RDH13: variants seen among roughly 807,000 people sequenced by gnomAD.
The protein encoded by RDH13 is retinol dehydrogenase 13, also known as retinol dehydrogenase 13 (all-trans and 9-cis).
In RDH13, 35 loss-of-function variants were observed where a neutral mutation model predicts 28.3. That is an observed-to-expected ratio of 1.24 (90% CI 0.95 to 1.64). RDH13 has a LOEUF of 1.64. Ranked by LOEUF, RDH13 falls within the 40% of genes most tolerant of loss-of-function variation. The pLI is 0.00. For missense variants in RDH13, 514 were observed against 446.3 expected, an observed-to-expected ratio of 1.15 and a Z score of -1.37; for synonymous variants, 229 against 198.5, an observed-to-expected ratio of 1.15 and a Z score of -1.29.
rs183914732 is a variant in RDH13, at chr19:55,060,117, C to A, written c.66-842G>T. ...GACCTGACCGTCCCCCAGCCCAACA[C>A]CCGTAAAGGGTCTGTGCTGAGGTGG... On this transcript the variant is annotated intron_variant, in intron 1 of 6. Transcript: ENST00000415061. Among the ~76,000 whole-genome samples the A allele has an allele frequency of 8.6e-5, 13 of 150,550 alleles. No individual in the cohort carries two copies. In the East Asian group the frequency reaches 2.4e-3, roughly 28 times the overall value.
At position 55,045,249 on chromosome 19, in the gene RDH13, A is replaced by G. The variant is rs2075178971; in HGVS notation, c.821T>C (p.Leu274Pro). The G allele has an allele frequency of 1.2e-6, 2 of 1,613,234 alleles. No individual in the cohort carries two copies. The highest frequency in any genetic ancestry group is 1.7e-6 in the Non-Finnish European group (2 of 1,180,030). Reference sequence around the variant, plus strand: ...ATCCGCCAGTTCCTCCGCCACGGCCAGGTATGTGCTGGGCTGGGCGGCCAG... The same window carrying G: ...ATCCGCCAGTTCCTCCGCCACGGCCGGGTATGTGCTGGGCTGGGCGGCCAG... ...PELAAQPSTY[L>P]AVAEELADVS... The change falls in exon 7 of 7, where the codon CTG (leucine) becomes CCG (proline). Residue 274 changes from leucine (L) to proline (P), a missense_variant. Coordinates refer to ENST00000415061, the MANE Select transcript of RDH13 (RefSeq NM_001145971.2).
At chr19:55,055,021 T>C (rs959749830) in intron 3 of RDH13, among the ~76,000 whole-genome samples, 11 of 152,246 alleles carry the variant, frequency 7.2e-5, no homozygotes, top group Non-Finnish European at 1.5e-4. Flanking sequence ...TGAACAAGAA[T>C]AGAAAAGCTA....
chr19:55,048,130 AACAG>A (rs1032416435), intron 5 of RDH13, 195 bp downstream of exon 5: 69 of 1,532,098 alleles, frequency 4.5e-5, no homozygotes, highest in Non-Finnish European at 5.6e-5. Flanking sequence ...ACCTGGGATG[AACAG>A]ACAATCCTCA....
At chr19:55,064,419 A>AG (rs1187091667), upstream of RDH13, 1 of 131,414 alleles carries the variant, frequency 7.6e-6, no homozygotes, top group Non-Finnish European at 1.5e-5. Flanking sequence ...AATTCTGTCA[A>AG]AAAAAAAAAA....
chr19:55,051,729 GTTTTT>G (rs79209121), intron 3 of RDH13, among the ~76,000 whole-genome samples: 1 of 143,526 alleles, frequency 7.0e-6, no homozygotes, highest in Non-Finnish European at 1.5e-5. Context: ...CGCCCAGCCT[GTTTTT>G]TTTTTTTTCT....
At chr19:55,063,159 G>C (rs962017877), upstream of RDH13, 67 of 901,760 alleles carry the variant, frequency 7.4e-5, no homozygotes, top group Non-Finnish European at 9.6e-5. Flanking sequence ...AGGCGCGGCT[G>C]GGCCCGCGTC....
Position 55,048,462 on chromosome 19 carries a change from C to T in RDH13, c.525G>A (p.Leu175=). 1 of 1,614,192 alleles carries T rather than the reference C, an allele frequency of 6.2e-7. No homozygotes were observed. The highest frequency in any genetic ancestry group is 8.5e-7 in the Non-Finnish European group (1 of 1,180,048). Residue 175 remains leucine (L), a synonymous_variant, in exon 5 of 7, where the codon CTG becomes CTA. Coordinates refer to ENST00000415061, the MANE Select transcript of RDH13 (RefSeq NM_001145971.2). The stretch of plus-strand genomic sequence containing the variant: ...AGTCTATGTGCCCAGCAACATGGGC[C>T]AGGGACGAGAGGTTGATGATCCGCG... ...APSRIINLSS[L]AHVAGHIDFD...
downstream of RDH13, chr19:55,040,874 C>T (rs2075009515): frequency 1.3e-5 from 2 of 152,114 alleles, no homozygotes; most frequent in South Asian, 4.2e-4. Flanking sequence ...CGCCTGTAAT[C>T]CCAACACTCT....
chr19:55,041,775 C>T (rs1237435946), downstream of RDH13: 1 of 152,238 alleles, frequency 6.6e-6, no homozygotes, highest in Non-Finnish European at 1.5e-5. Context: ...GTTTATCCCC[C>T]TGGTTCCTTC....
chr19:55,066,532 C>T (rs2075964444), upstream of RDH13, among the ~76,000 whole-genome samples: 1 of 103,622 alleles, frequency 9.7e-6, no homozygotes, highest in Non-Finnish European at 2.0e-5. Context: ...CTTTCCCTTC[C>T]TTTCTCTTTC....
intron 3 of RDH13, among the ~76,000 whole-genome samples, chr19:55,053,542 C>T (rs370450134): frequency 2.0e-5 from 3 of 151,776 alleles, no homozygotes; most frequent in Admixed American, 6.6e-5. Context: ...TGTAGTCCCC[C>T]GCCACTCGGG....
rs79768514 is a variant in RDH13, at chr19:55,049,941, T to C, written c.341-1178A>G. Among the ~76,000 whole-genome samples, 215 of 46,062 alleles carry C rather than the reference T, an allele frequency of 4.7e-3. 1 individual carries two copies. Among genetic ancestry groups the C allele is most frequent in the South Asian group, 0.026 (47 of 1,812 alleles). The allele number at this position is 46,062 out of a possible 152,430, so 30.2% of individuals were successfully genotyped here. ...ACCATCTCCTCTCTCCCTCTTCCCT[T>C]CCTCTTCCCTTTGGAGCTGTCTCTT... On this transcript the variant is annotated intron_variant, in intron 3 of 6. Transcript: ENST00000415061.
At chr19:55,064,026 A>G (rs1206623864), upstream of RDH13, 1 of 152,136 alleles carries the variant, frequency 6.6e-6, no homozygotes, top group Non-Finnish European at 1.5e-5. Context: ...ATTCAACCCA[A>G]TCTAACTAGG....
chr19:55,050,597 G>C (rs2075396862), intron 3 of RDH13: 1 of 152,172 alleles, frequency 6.6e-6, no homozygotes, highest in African/African-American at 2.4e-5. Flanking sequence ...TAGCACGTCT[G>C]TTTCTGTGCG....
chr19:55,057,904 A>C (rs1169944365), intron 2 of RDH13, among the ~76,000 whole-genome samples: 1 of 151,596 alleles, frequency 6.6e-6, no homozygotes, highest in Non-Finnish European at 1.5e-5. Flanking sequence ...CCTAGGCTCA[A>C]GTGACCTGGG....
downstream of RDH13, chr19:55,039,555 A>C (rs1056986831): frequency 6.7e-6 from 1 of 149,458 alleles, no homozygotes; most frequent in African/African-American, 2.5e-5. Flanking sequence ...CAAAAATAAA[A>C]ATAAGGCCGG....
chr19:55,051,949 C>T (rs1331182726), intron 3 of RDH13, among the ~76,000 whole-genome samples: 1 of 151,742 alleles, frequency 6.6e-6, no homozygotes, highest in African/African-American at 2.4e-5. Context: ...TTAGGCTGGT[C>T]TCGAATTTCT....
At chr19:55,061,791 C>CAA (rs60108220) in intron 1 of RDH13, among the ~76,000 whole-genome samples, 52 of 133,438 alleles carry the variant, frequency 3.9e-4, no homozygotes, top group Middle Eastern at 4.0e-3. Context: ...ACCCTGTCTC[C>CAA]AAAAAAAAAA....
intron 5 of RDH13, 142 bp downstream of exon 5, chr19:55,048,187 C>T (rs772841126): frequency 5.0e-5 from 77 of 1,536,912 alleles, no homozygotes; most frequent in Middle Eastern, 1.7e-4. Context: ...GCACCAGAAG[C>T]GGGCAGCGTG....
Sources: allele counts gnomAD v4.1 joint callset (sites outside exome capture counted in the v4.1 genomes callset), GRCh38; gene constraint gnomAD v4.1.1; transcripts MANE v1.5; gene names NCBI Gene and HGNC (gene_info 2026-07-23, HGNC 2026-07-21).